Variants in MARCHF3 observed in about 807,000 individuals in gnomAD.
MARCHF3 encodes the protein membrane associated ring-CH-type finger 3.
A neutral mutation model predicts 24.2 loss-of-function variants in MARCHF3; 13 were observed. The ratio of observed to expected loss-of-function variants is 0.54; its 90% CI spans 0.35 to 0.85. MARCHF3 has a LOEUF of 0.85. Among genes scored for constraint, MARCHF3 ranks in the 40% least tolerant of loss-of-function variants. The pLI, the probability that MARCHF3 is intolerant of heterozygous loss-of-function variation, is 0.01. For synonymous variants in MARCHF3, 144 were observed against 137.3 expected (o/e 1.05, Z -0.34); for missense variants, 276 against 325.0 (o/e 0.85, Z 1.16).
At chr5:127,006,352 T>A (rs1752313550) in intron 1 of MARCHF3, among the ~76,000 whole-genome samples, 1 of 152,184 alleles carries the variant, frequency 6.6e-6, no homozygotes, top group South Asian at 2.1e-4. Flanking sequence ...TGTGATATGT[T>A]AATTTTGAAG....
intron 1 of MARCHF3, among the ~76,000 whole-genome samples, chr5:126,988,192 T>C (rs1188961157): frequency 6.6e-6 from 1 of 151,946 alleles, no homozygotes; most frequent in East Asian, 1.9e-4. Context: ...CTGACTAAAA[T>C]CCAGCCCATT....
chr5:126,965,781 T>C (rs1197129915), intron 1 of MARCHF3, among the ~76,000 whole-genome samples: 1 of 152,186 alleles, frequency 6.6e-6, no homozygotes, highest in African/African-American at 2.4e-5. Flanking sequence ...GTTGTGCTAG[T>C]GGAAGTATAA....
At chr5:127,007,489 T>A (rs1466216467) in intron 1 of MARCHF3, among the ~76,000 whole-genome samples, 2 of 152,142 alleles carry the variant, frequency 1.3e-5, no homozygotes, top group African/African-American at 2.4e-5. Context: ...TATCTTCATA[T>A]TATCATTAGG....
chr5:126,913,574 C>G (rs1273742432), intron 3 of MARCHF3, among the ~76,000 whole-genome samples: 1 of 152,226 alleles, frequency 6.6e-6, no homozygotes, highest in Non-Finnish European at 1.5e-5. Flanking sequence ...GGCAAGATGG[C>G]TAAATTAAGA....
chr5:127,001,815 C>T (rs1415677793), intron 1 of MARCHF3, among the ~76,000 whole-genome samples: 1 of 152,156 alleles, frequency 6.6e-6, no homozygotes, highest in Admixed American at 6.5e-5. Context: ...AATTTGGTCC[C>T]GCCAGTAAGT....
At chr5:126,988,879 T>C (rs1376937198) in intron 1 of MARCHF3, among the ~76,000 whole-genome samples, 7 of 152,148 alleles carry the variant, frequency 4.6e-5, no homozygotes, top group Non-Finnish European at 1.0e-4. Flanking sequence ...TTTCTTAACC[T>C]ATATATATAC....
intron 1 of MARCHF3, among the ~76,000 whole-genome samples, chr5:126,973,360 T>C (rs891633025): frequency 2.6e-5 from 4 of 152,224 alleles, no homozygotes; most frequent in Non-Finnish European, 4.4e-5. Context: ...ACACATTCTG[T>C]ATCAGCCTGC....
At chr5:126,972,941 T>TACTA (rs1254590726) in intron 1 of MARCHF3, among the ~76,000 whole-genome samples, 1 of 152,264 alleles carries the variant, frequency 6.6e-6, no homozygotes, top group Non-Finnish European at 1.5e-5. Flanking sequence ...AACAAAAGTG[T>TACTA]ATGCTAATGT....
intron 1 of MARCHF3, among the ~76,000 whole-genome samples, chr5:127,017,809 A>G (rs1752678860): frequency 6.6e-6 from 1 of 152,204 alleles, no homozygotes; most frequent in Admixed American, 6.5e-5. Flanking sequence ...AAACAAAATG[A>G]ATAACTTTTT....
chr5:127,025,832 T>C (rs558366117), intron 1 of MARCHF3, among the ~76,000 whole-genome samples: 5 of 152,334 alleles, frequency 3.3e-5, no homozygotes, highest in African/African-American at 1.2e-4. Context: ...GAAACTTCTG[T>C]AGCTCAATGA....
At position 126,904,521 on chromosome 5, in the gene MARCHF3, T is replaced by C. The variant is rs143871147; in HGVS notation, c.393+10409A>G. On this transcript the variant is annotated intron_variant, in intron 3 of 4. Transcript: ENST00000308660. ...GATTGCCATTCTAACTGGTGTGAGATGGTATCTCATTGTGGCTTTGATTTG... is the reference window on the plus strand; with the variant it reads ...GATTGCCATTCTAACTGGTGTGAGACGGTATCTCATTGTGGCTTTGATTTG... Among the ~76,000 whole-genome samples the C allele has an allele frequency of 9.4e-3, 1,404 of 148,878 alleles. 142 individuals carry two copies. The highest frequency in any genetic ancestry group is 0.034 in the African/African-American group (1,315 of 39,058).
chr5:127,003,667 G>A (rs1752213291), intron 1 of MARCHF3, among the ~76,000 whole-genome samples: 1 of 152,044 alleles, frequency 6.6e-6, no homozygotes, highest in East Asian at 1.9e-4. Context: ...AGAGAATGGC[G>A]CGAACCCGGG....
At chr5:126,925,737 T>G (rs1006170504) in intron 1 of MARCHF3, among the ~76,000 whole-genome samples, 1 of 152,114 alleles carries the variant, frequency 6.6e-6, no homozygotes, top group Non-Finnish European at 1.5e-5. Context: ...TCGGGAACAA[T>G]GAGGGCACAT....
At chr5:126,939,069 T>C (rs1386763387) in intron 1 of MARCHF3, among the ~76,000 whole-genome samples, 1 of 152,226 alleles carries the variant, frequency 6.6e-6, no homozygotes, top group Non-Finnish European at 1.5e-5. Context: ...GCCAGAGGTT[T>C]CTCCCTTCTT....
At chr5:127,022,088 T>TA (rs1198440158) in intron 1 of MARCHF3, among the ~76,000 whole-genome samples, 1 of 152,190 alleles carries the variant, frequency 6.6e-6, no homozygotes, top group Non-Finnish European at 1.5e-5. Context: ...CAATGATAGA[T>TA]AAGTGAGCGG....
At chr5:127,013,651 G>T (rs1242118604) in intron 1 of MARCHF3, among the ~76,000 whole-genome samples, 1 of 152,048 alleles carries the variant, frequency 6.6e-6, no homozygotes, top group Non-Finnish European at 1.5e-5. Flanking sequence ...TGTCTCTGAT[G>T]CATAACATAA....
chr5:126,982,982 G>A (rs529721680), intron 1 of MARCHF3, among the ~76,000 whole-genome samples: 9 of 152,288 alleles, frequency 5.9e-5, no homozygotes, highest in Admixed American at 4.6e-4. Flanking sequence ...CCTGACATAG[G>A]TGCACAGCTG....
chr5:126,932,735 C>T (rs771991548), intron 1 of MARCHF3, among the ~76,000 whole-genome samples: 1 of 152,098 alleles, frequency 6.6e-6, no homozygotes, highest in African/African-American at 2.4e-5. Context: ...GGGTAAAATA[C>T]GGGGCTCTGG....
intron 4 of MARCHF3, among the ~76,000 whole-genome samples, chr5:126,873,473 C>T (rs542742484): frequency 1.8e-4 from 28 of 151,680 alleles, no homozygotes; most frequent in South Asian, 6.3e-4. Context: ...CTGCTCTCGG[C>T]GTGGTCCTGG....
Sources: gnomAD v4.1 joint callset for allele counts (sites outside exome capture counted in the v4.1 genomes callset) on GRCh38, gnomAD v4.1.1 for gene constraint, MANE v1.5 for transcripts, NCBI Gene and HGNC (gene_info 2026-07-23, HGNC 2026-07-21) for gene names.